Variants in CAGE1 observed in about 807,000 individuals in gnomAD.
CAGE1 encodes cancer antigen 1, also known as cancer-associated gene 1 protein.
A neutral mutation model predicts 94.9 loss-of-function variants in CAGE1; 66 were observed. The ratio of observed to expected loss-of-function variants is 0.70; its 90% CI spans 0.57 to 0.85. CAGE1 has a LOEUF of 0.85. Ranked by LOEUF, CAGE1 falls within the 40% of genes least tolerant of loss-of-function variation. The probability of loss-of-function intolerance (pLI) is 0.00; values close to 1 mark genes in which losing one functional copy is unlikely to be tolerated. For missense variants in CAGE1, 865 were observed against 950.4 expected, an observed-to-expected ratio of 0.91 and a Z score of 1.18; for synonymous variants, 319 against 321.0, an observed-to-expected ratio of 0.99 and a Z score of 0.07.
intron 11 of CAGE1, among the ~76,000 whole-genome samples, chr6:7,336,520 TTTC>T (rs1758957529): frequency 6.6e-6 from 1 of 151,724 alleles, no homozygotes; most frequent in African/African-American, 2.4e-5. Context: ...TCTTTCTTTT[TTTC>T]TTTTAAGACA....
At chr6:7,345,182 T>C (rs1334451150) in intron 11 of CAGE1, among the ~76,000 whole-genome samples, 2 of 134,262 alleles carry the variant, frequency 1.5e-5, no homozygotes, top group African/African-American at 6.4e-5. Flanking sequence ...TGACACTCCT[T>C]GTGAAGGTTT....
intron 7 of CAGE1, 48 bp from the exon 8 acceptor site, chr6:7,365,932 G>A (rs1038984612): frequency 1.9e-5 from 20 of 1,075,710 alleles, no homozygotes; most frequent in African/African-American, 3.2e-5. Flanking sequence ...ATACAACTAC[G>A]CTCTAATATT....
chr6:7,333,602 T>G (rs1314392889), intron 12 of CAGE1, among the ~76,000 whole-genome samples: 1 of 32,358 alleles, frequency 3.1e-5, no homozygotes, highest in East Asian at 9.3e-4. Flanking sequence ...AGGAAAAGAG[T>G]TTTTTTTTTT....
At chr6:7,338,827 A>T in intron 11 of CAGE1, 1 of 1,046,570 alleles carries the variant, frequency 9.6e-7, no homozygotes, top group Non-Finnish European at 1.5e-6. Flanking sequence ...TACAGCTGCC[A>T]AGGAGATCCT....
chr6:7,337,369 TGAA>T (rs1388620545), intron 11 of CAGE1, among the ~76,000 whole-genome samples: 3 of 151,144 alleles, frequency 2.0e-5, no homozygotes, highest in African/African-American at 7.3e-5. Flanking sequence ...TAAATTTTGA[TGAA>T]GTCGAATTTA....
intron 11 of CAGE1, among the ~76,000 whole-genome samples, chr6:7,337,325 G>GAAAAA (rs58144720): frequency 2.1e-4 from 17 of 81,504 alleles, no homozygotes; most frequent in Non-Finnish European, 3.8e-4. Context: ...AGACTGTCTC[G>GAAAAA]AAAAAAAAAA....
chr6:7,343,079 C>T (rs1969862), intron 11 of CAGE1, among the ~76,000 whole-genome samples: 2,180 of 151,704 alleles, frequency 0.014, 89 homozygotes, highest in Admixed American at 0.086. Flanking sequence ...ATCCCAGCTA[C>T]TTGGGAGGCT....
intron 5 of CAGE1, among the ~76,000 whole-genome samples, chr6:7,372,313 A>G (rs138494233): frequency 1.3e-5 from 2 of 152,078 alleles, no homozygotes; most frequent in Non-Finnish European, 2.9e-5. Flanking sequence ...CTCTACTAAA[A>G]ATACAAAATT....
intron 5 of CAGE1, among the ~76,000 whole-genome samples, chr6:7,372,203 G>A (rs894225264): frequency 6.6e-6 from 1 of 152,140 alleles, no homozygotes; most frequent in African/African-American, 2.4e-5. Flanking sequence ...TGGGCGCAGT[G>A]TCTCACACCT....
intron 3 of CAGE1, among the ~76,000 whole-genome samples, chr6:7,381,119 G>A (rs1429640560): frequency 6.6e-6 from 1 of 152,038 alleles, no homozygotes; most frequent in African/African-American, 2.4e-5. Context: ...TACTGTTATG[G>A]GCTCAATTGT....
At chr6:7,367,278 ATT>A (rs70978961) in intron 7 of CAGE1, among the ~76,000 whole-genome samples, 20 of 111,130 alleles carry the variant, frequency 1.8e-4, no homozygotes, top group Non-Finnish European at 2.1e-4. Flanking sequence ...TATTTGGGGG[ATT>A]TTTTTTTTTT....
At chr6:7,374,594 G>T (rs1466709114) in intron 4 of CAGE1, among the ~76,000 whole-genome samples, 3 of 151,326 alleles carry the variant, frequency 2.0e-5, no homozygotes, top group Non-Finnish European at 4.4e-5. Flanking sequence ...AGGGGGGAAA[G>T]TTCTCTTCTC....
intron 9 of CAGE1, among the ~76,000 whole-genome samples, chr6:7,360,961 C>A (rs1277097672): frequency 1.3e-5 from 2 of 151,888 alleles, no homozygotes; most frequent in African/African-American, 4.8e-5. Context: ...AACAAACAAA[C>A]AAATACAATA....
chr6:7,374,168 T>C lies in CAGE1; in HGVS notation c.688-37A>G, dbSNP rs762197148. 3 of 1,531,622 alleles carry C rather than the reference T, an allele frequency of 2.0e-6. No homozygotes were observed. The South Asian group carries it at 3.6e-5, about 18-fold the overall frequency. The allele number at this position is 1,531,622 out of a possible 1,614,324, so 94.9% of individuals were successfully genotyped here. A position where few individuals can be genotyped will look rare whatever the true frequency, so the allele number is the denominator to read the frequency against. On this transcript the variant is annotated intron_variant, in intron 4 of 13. Coordinates refer to ENST00000502583, the MANE Select transcript of CAGE1 (RefSeq NM_001170692.2). ...AGTAAACAAAGTAAGTGTGAACGAG[T>C]AGAAAGATAATGAGCTTTCAAGTCA... is the stretch of plus-strand genomic sequence containing the variant.
chr6:7,357,208 A>G (rs1210232300), intron 9 of CAGE1, among the ~76,000 whole-genome samples: 14 of 152,330 alleles, frequency 9.2e-5, no homozygotes. Flanking sequence ...TGAATAAATT[A>G]ATGAGGACAA....
chr6:7,340,769 G>A, intron 11 of CAGE1: 1 of 311,684 alleles, frequency 3.2e-6, no homozygotes, highest in Non-Finnish European at 6.2e-6. Flanking sequence ...AGCAAGTGAT[G>A]GGCTAGAGCT....
chr6:7,360,647 A>AT (rs1441595597), intron 9 of CAGE1, among the ~76,000 whole-genome samples: 1 of 152,142 alleles, frequency 6.6e-6, no homozygotes, highest in Non-Finnish European at 1.5e-5. Context: ...TGTACATACA[A>AT]TACAATATAA....
intron 9 of CAGE1, among the ~76,000 whole-genome samples, chr6:7,360,422 G>A (rs956709068): frequency 2.6e-5 from 4 of 152,184 alleles, no homozygotes; most frequent in Non-Finnish European, 4.4e-5. Context: ...GGTTTCCTAA[G>A]AGGCTTTTAC....
At chr6:7,383,938 T>A (rs1761025414) in intron 3 of CAGE1, among the ~76,000 whole-genome samples, 1 of 152,234 alleles carries the variant, frequency 6.6e-6, no homozygotes, top group Admixed American at 6.5e-5. Flanking sequence ...TTGTTGCTAG[T>A]GCATTGAATG....
Sources: gnomAD v4.1 joint callset for allele counts (sites outside exome capture counted in the v4.1 genomes callset) on GRCh38, gnomAD v4.1.1 for gene constraint, MANE v1.5 for transcripts, NCBI Gene and HGNC (gene_info 2026-07-23, HGNC 2026-07-21) for gene names.